Variants in SUN3 observed in about 807,000 individuals in gnomAD.
The protein encoded by SUN3 is SUN domain-containing protein 3.
SUN3 carries 36 observed loss-of-function variants against 48.2 expected under a neutral mutation model. The ratio of observed to expected loss-of-function variants is 0.75; its 90% CI spans 0.57 to 0.99. The LOEUF is 0.99. Among genes scored for constraint, SUN3 ranks in the 50% least tolerant of loss-of-function variants. The pLI, the probability that SUN3 is intolerant of heterozygous loss-of-function variation, is 0.00. For missense variants in SUN3, 419 were observed against 433.1 expected, an observed-to-expected ratio of 0.97 and a Z score of 0.29; for synonymous variants, 148 against 147.9, an observed-to-expected ratio of 1.00 and a Z score of 0.00.
intron 7 of SUN3, among the ~76,000 whole-genome samples, chr7:47,995,576 G>C (rs989092689): frequency 6.6e-6 from 1 of 152,178 alleles, no homozygotes; most frequent in Non-Finnish European, 1.5e-5. Context: ...GAAAAGTTTG[G>C]TGGGGATCTT....
Position 48,001,520 on chromosome 7 carries a change from C to CT in SUN3, c.577+4448dup, listed in dbSNP as rs1277271176. Among the ~76,000 whole-genome samples the CT allele has an allele frequency of 6.5e-4, 74 of 113,312 alleles. 1 individual carries two copies. The highest frequency in any genetic ancestry group is 1.3e-3 in the South Asian group (4 of 3,044). 74.3% of individuals were successfully genotyped at this position (113,312 alleles called of 152,430 possible). On this transcript the variant is annotated intron_variant, in intron 6 of 9. Coordinates refer to ENST00000297325, the MANE Select transcript of SUN3 (RefSeq NM_001030019.2). The stretch of plus-strand genomic sequence containing the variant: ...CATTTAGGTTGGTTCCATGTCTTTT[C>CT]TGTTTTTTTTGTTTTTTTTTTTTTT...
chr7:47,993,853 A>C (rs1257589029), intron 8 of SUN3, among the ~76,000 whole-genome samples: 1 of 151,944 alleles, frequency 6.6e-6, no homozygotes, highest in African/African-American at 2.4e-5. Context: ...TTGTTTTTTA[A>C]ATTAAGACAT....
At chr7:47,997,633 G>A (rs921282088) in intron 6 of SUN3, among the ~76,000 whole-genome samples, 1 of 152,154 alleles carries the variant, frequency 6.6e-6, no homozygotes, top group Non-Finnish European at 1.5e-5. Context: ...TCAGGGTTTT[G>A]TATTATATTC....
chr7:48,027,675 G>T (rs1365079833), intron 1 of SUN3, among the ~76,000 whole-genome samples: 1 of 152,140 alleles, frequency 6.6e-6, no homozygotes, highest in African/African-American at 2.4e-5. Flanking sequence ...TCCCAGTACA[G>T]AATCTTTAAG....
At chr7:48,021,211 A>T (rs1446579481) in intron 2 of SUN3, among the ~76,000 whole-genome samples, 1 of 152,220 alleles carries the variant, frequency 6.6e-6, no homozygotes, top group African/African-American at 2.4e-5. Flanking sequence ...ATTCATATGC[A>T]GAAGAATGAA....
In SUN3 at chr7:48,028,885, A is replaced by C. The variant is rs1405570575; in HGVS notation, c.54T>G (p.Ser18=). ...RRAAMFFRRC[S]EDASGSASGN... Reference sequence around the variant, plus strand: ...CACTGGCGCTACCGCTGGCGTCTTCAGAGCAACGTCTAAAAAACATGGCAG... The same window carrying C: ...CACTGGCGCTACCGCTGGCGTCTTCCGAGCAACGTCTAAAAAACATGGCAG... Residue 18 remains serine, a synonymous_variant, in exon 1 of 10, where the codon TCT becomes TCG. Coordinates refer to ENST00000297325, the MANE Select transcript of SUN3 (RefSeq NM_001030019.2). 1 of 1,613,904 alleles carries C rather than the reference A, an allele frequency of 6.2e-7. No individual in the cohort carries two copies. The highest frequency in any genetic ancestry group is 8.5e-7 in the Non-Finnish European group (1 of 1,179,892).
rs1789146768 is a variant in SUN3, at chr7:47,994,402, T to C, written c.774A>G (p.Ile258Met). Residue 258 changes from isoleucine to methionine, a missense_variant, in exon 8 of 10, where the codon ATA (isoleucine) becomes ATG (methionine). Transcript: ENST00000297325. ...TGTGCTCCATGGTAACAGCAGTTGG[T>C]ATGATCTTTGTAGCAAGCTTGATTA... ...HTLIKLATKI[I>M]PTAVTMEHIS... The C allele has an allele frequency of 6.2e-7, 1 of 1,613,174 alleles. No individual in the cohort carries two copies. The highest frequency in any genetic ancestry group is 2.2e-5 in the East Asian group (1 of 44,774).
intron 5 of SUN3, among the ~76,000 whole-genome samples, chr7:48,006,740 C>T (rs567512170): frequency 3.3e-5 from 5 of 152,184 alleles, no homozygotes; most frequent in South Asian, 2.1e-4. Flanking sequence ...GTAATGACAG[C>T]GGAAGAGAAA....
intron 6 of SUN3, among the ~76,000 whole-genome samples, chr7:47,996,555 C>T (rs1268680843): frequency 6.6e-6 from 1 of 152,150 alleles, no homozygotes; most frequent in African/African-American, 2.4e-5. Flanking sequence ...CTCCAAATGT[C>T]CTTCAAGTTA....
At chr7:47,994,269 C>T in intron 8 of SUN3, 46 bp downstream of exon 8, 1 of 1,602,710 alleles carries the variant, frequency 6.2e-7, no homozygotes, top group Non-Finnish European at 8.5e-7. Flanking sequence ...TAGCCAACCA[C>T]CTTCTATCAG....
intron 8 of SUN3, among the ~76,000 whole-genome samples, chr7:47,991,648 A>C (rs1312730949): frequency 6.6e-6 from 1 of 152,078 alleles, no homozygotes; most frequent in African/African-American, 2.4e-5. Context: ...AAACAGAAAA[A>C]CCAAAAAGTG....
intron 6 of SUN3, among the ~76,000 whole-genome samples, chr7:47,998,037 A>G (rs1447825280): frequency 6.6e-6 from 1 of 152,264 alleles, no homozygotes; most frequent in African/African-American, 2.4e-5. Flanking sequence ...TGCTATAGAC[A>G]TTCTTGGCAA....
chr7:48,008,417 TA>T (rs1253707279), intron 4 of SUN3, among the ~76,000 whole-genome samples: 4 of 152,224 alleles, frequency 2.6e-5, no homozygotes, highest in African/African-American at 9.6e-5. Flanking sequence ...TCCAAATCAT[TA>T]AAAACTATTT....
chr7:48,004,780 GAGAAA>G (rs1293778658), intron 6 of SUN3, among the ~76,000 whole-genome samples: 1 of 152,222 alleles, frequency 6.6e-6, no homozygotes, highest in Non-Finnish European at 1.5e-5. Flanking sequence ...TAGGCTGCAA[GAGAAA>G]AGAAAAGAAA....
rs781239161 is a variant in SUN3 at position 48,000,881 on chromosome 7, A to T, written c.578-4735T>A. ...TGTAAATTTATGGTTTTTTTTTTTT[A>T]AATCGAGTTTGAGATGTTTTTAGCT... On this transcript the variant is annotated intron_variant, in intron 6 of 9. Transcript: ENST00000297325. Among the ~76,000 whole-genome samples the T allele has an allele frequency of 7.9e-3, 709 of 89,388 alleles. 2 individuals carry two copies. Among genetic ancestry groups the T allele is most frequent in the Non-Finnish European group, 0.014 (552 of 40,570 alleles). 58.6% of individuals were successfully genotyped at this position (89,388 alleles called of 152,430 possible). A position where few individuals can be genotyped will look rare whatever the true frequency, so the allele number is the denominator to read the frequency against.
In SUN3 at chr7:47,987,336, G is replaced by T; in HGVS notation, c.1068C>A (p.His356Gln). The T allele has an allele frequency of 6.2e-7, 1 of 1,611,924 alleles. No individual in the cohort carries two copies. The highest frequency in any genetic ancestry group is 1.7e-5 in the Admixed American group (1 of 59,850). ...RFRVHGTPGKHI is the reference protein window; with the variant it reads ...RFRVHGTPGKQI The stretch of plus-strand genomic sequence containing the variant: ...GCCTTCTGTACCAACTCTTCTAGAT[G>T]TGCTTGCCTGGTGTGCCATGGACCC... The change falls in exon 10 of 10, where the codon CAC becomes CAA. Residue 356 changes from histidine to glutamine, a missense_variant. Transcript: ENST00000297325.
At chr7:48,010,091 A>G (rs1789642379) in intron 3 of SUN3, among the ~76,000 whole-genome samples, 2 of 151,892 alleles carry the variant, frequency 1.3e-5, no homozygotes, top group African/African-American at 4.9e-5. Flanking sequence ...AGCATGAGAC[A>G]CACACACACA....
chr7:48,009,480 C>G (rs1396852677), intron 3 of SUN3, among the ~76,000 whole-genome samples: 1 of 152,166 alleles, frequency 6.6e-6, no homozygotes, highest in East Asian at 1.9e-4. Flanking sequence ...CTAAGGAGCA[C>G]ATGGCGACGT....
chr7:47,998,211 G>A (rs1214753240), intron 6 of SUN3, among the ~76,000 whole-genome samples: 1 of 152,214 alleles, frequency 6.6e-6, no homozygotes, highest in South Asian at 2.1e-4. Flanking sequence ...GGTCCATTTT[G>A]TTCATGCGGT....
Sources: allele counts gnomAD v4.1 joint callset (sites outside exome capture counted in the v4.1 genomes callset), GRCh38; gene constraint gnomAD v4.1.1; transcripts MANE v1.5; gene names NCBI Gene and HGNC (gene_info 2026-07-23, HGNC 2026-07-21).